Variants in AK9 observed in about 807,000 individuals in gnomAD.
AK9 encodes adenylate kinase domain containing 1.
A neutral mutation model predicts 239.6 loss-of-function variants in AK9; 191 were observed. The ratio of observed to expected loss-of-function variants is 0.80; its 90% confidence interval spans 0.71 to 0.90. The LOEUF is 0.90. Ranked by LOEUF, AK9 falls within the 40% of genes least tolerant of loss-of-function variation. The probability of loss-of-function intolerance (pLI) is 0.00; values close to 1 mark genes in which losing one functional copy is unlikely to be tolerated. For missense variants in AK9, 1,995 were observed against 2,214.7 expected, an observed-to-expected ratio of 0.90 and a Z score of 1.99; for synonymous variants, 689 against 721.0, an observed-to-expected ratio of 0.96 and a Z score of 0.71.
Position 109,641,504 on chromosome 6 carries a change from T to A in AK9, c.933+14A>T. On this transcript the variant is annotated intron_variant, in intron 10 of 40. Transcript: ENST00000424296. ...ATTGAAAATTAGACTTTCAGACAGT[T>A]CCATATAACTTACATTTTCCATTGT... 6.3e-7 allele frequency: 1 copy of A among 1,598,698 alleles called. No individual in the cohort carries two copies. Among genetic ancestry groups the A allele is most frequent in the Non-Finnish European group, 8.6e-7 (1 of 1,166,586 alleles).
chr6:109,605,264 C>T (rs1192182535), intron 17 of AK9, among the ~76,000 whole-genome samples: 2 of 152,058 alleles, frequency 1.3e-5, no homozygotes, highest in Non-Finnish European at 2.9e-5. Flanking sequence ...AGCAAGGCCC[C>T]ATATCCTAAA....
intron 18 of AK9, among the ~76,000 whole-genome samples, 177 bp from the exon 19 acceptor site, chr6:109,585,414 T>C (rs959946902): frequency 2.0e-4 from 31 of 152,266 alleles, no homozygotes; most frequent in Admixed American, 9.2e-4. Flanking sequence ...CTTAAATTCT[T>C]TTAAAAAGGT....
chr6:109,537,155 A>G (rs1295470683), intron 27 of AK9, among the ~76,000 whole-genome samples: 1 of 152,006 alleles, frequency 6.6e-6, no homozygotes, highest in Admixed American at 6.5e-5. Context: ...TTTTCTATTG[A>G]TTGGAATAGT....
rs748156196 is a variant in AK9 at position 109,493,402 on chromosome 6, G to A, written c.5703C>T (p.Leu1901=). The change falls in exon 41 of 41, where the codon CTC becomes CTT. Residue 1901 remains leucine, a synonymous_variant. Transcript: ENST00000424296. The stretch of plus-strand genomic sequence containing the variant: ...TAATTGGGTCTATATTTCTGAGAGA[G>A]AGAAAGGTCTTTAACTTATGATCAA... ...IDFDHKLKTF[L]SLRNIDPING 1 of 1,614,104 alleles carries A rather than the reference G, an allele frequency of 6.2e-7. No individual in the cohort carries two copies. The highest frequency in any genetic ancestry group is 1.1e-5 in the South Asian group (1 of 91,082).
At chr6:109,663,506 T>G (rs947047964) in intron 5 of AK9, among the ~76,000 whole-genome samples, 7 of 152,190 alleles carry the variant, frequency 4.6e-5, no homozygotes, top group Non-Finnish European at 8.8e-5. Flanking sequence ...GTTATAATAT[T>G]CAAGTGAAAA....
intron 1 of AK9, among the ~76,000 whole-genome samples, chr6:109,688,291 T>C (rs745739348): frequency 5.9e-5 from 9 of 152,166 alleles, no homozygotes; most frequent in Non-Finnish European, 1.2e-4. Context: ...CAGTGACAAA[T>C]TGATTACACA....
intron 8 of AK9, among the ~76,000 whole-genome samples, chr6:109,646,963 C>A (rs1798147040): frequency 6.6e-6 from 1 of 152,156 alleles, no homozygotes; most frequent in Non-Finnish European, 1.5e-5. Context: ...TAATTTTCAA[C>A]CCAGAATTTC....
chr6:109,503,898 CACTTTGGGG>C (rs1274634059), intron 35 of AK9, among the ~76,000 whole-genome samples: 1 of 152,218 alleles, frequency 6.6e-6, no homozygotes, highest in African/African-American at 2.4e-5. Flanking sequence ...ACCCTCCCCC[CACTTTGGGG>C]ACATTTTGAA....
chr6:109,627,133 C>CTTTTTTTTTTT (rs71018357), intron 12 of AK9, among the ~76,000 whole-genome samples: 6 of 67,320 alleles, frequency 8.9e-5, no homozygotes, highest in Admixed American at 2.1e-4. Context: ...GATGTTTAAG[C>CTTTTTTTTTTT]TTTTTTTTTT....
intron 1 of AK9, among the ~76,000 whole-genome samples, chr6:109,677,413 C>T (rs183073406): frequency 8.5e-4 from 129 of 152,094 alleles, no homozygotes; most frequent in African/African-American, 2.7e-3. Flanking sequence ...CTAACTATAA[C>T]ATTTTGCTGA....
chr6:109,682,426 C>CAAAAAAAAAAA (rs57215335), intron 1 of AK9, among the ~76,000 whole-genome samples: 13,508 of 65,716 alleles, frequency 0.21, 1,585 homozygotes, highest in Non-Finnish European at 0.29. Context: ...GACTCCGTCT[C>CAAAAAAAAAAA]AAAAAAAAAA....
At chr6:109,540,018 G>T (rs1782639939) in intron 27 of AK9, among the ~76,000 whole-genome samples, 1 of 152,158 alleles carries the variant, frequency 6.6e-6, no homozygotes. Flanking sequence ...CCCCTACTGG[G>T]GGGTGCCTCC....
chr6:109,499,781 G>A (rs565636937), intron 35 of AK9, among the ~76,000 whole-genome samples: 4 of 152,070 alleles, frequency 2.6e-5, no homozygotes, highest in African/African-American at 9.7e-5. Context: ...TGTACTTTTA[G>A]TAGAGACAGG....
rs1554260341 is a variant in AK9, at chr6:109,577,892, C to CTT, written c.2191+1657_2191+1658insAA. 2.5e-4 allele frequency among the ~76,000 whole-genome samples: 20 copies of CTT among 79,598 alleles called. No individual in the cohort carries two copies. In the East Asian group the frequency reaches 0.023, roughly 91 times the overall value. The allele number at this position is 79,598 out of a possible 152,430, so 52.2% of individuals were successfully genotyped here. ...TCTTTTTCTTTCCTTCTTTCCTTCT[C>CTT]TCTCTCTTTCTCTCTTTCTTTCTTT... On this transcript the variant is annotated intron_variant, in intron 20 of 40. Transcript: ENST00000424296.
intron 29 of AK9, 33 bp from the exon 30 acceptor site, chr6:109,516,675 T>C (rs1486160136): frequency 6.7e-7 from 1 of 1,493,630 alleles, no homozygotes; most frequent in Non-Finnish European, 9.1e-7. Flanking sequence ...TTACTATACA[T>C]ATAAAATATG....
intron 29 of AK9, among the ~76,000 whole-genome samples, chr6:109,523,100 T>C (rs1036695678): frequency 6.6e-6 from 1 of 152,198 alleles, no homozygotes; most frequent in Non-Finnish European, 1.5e-5. Context: ...ATTCAAATTA[T>C]ATACAAATAA....
At chr6:109,501,675 A>G (rs1296489620) in intron 35 of AK9, among the ~76,000 whole-genome samples, 1 of 152,248 alleles carries the variant, frequency 6.6e-6, no homozygotes, top group Non-Finnish European at 1.5e-5. Flanking sequence ...ATAAAGTGAC[A>G]GTATTTTCCA....
chr6:109,629,497 G>A (rs1795891546), intron 12 of AK9, among the ~76,000 whole-genome samples: 1 of 151,980 alleles, frequency 6.6e-6, no homozygotes, highest in South Asian at 2.1e-4. Flanking sequence ...ACATGAGGAA[G>A]TTTTTCTAAA....
chr6:109,638,164 A>G (rs958554261), intron 10 of AK9, among the ~76,000 whole-genome samples: 1 of 152,208 alleles, frequency 6.6e-6, no homozygotes, highest in South Asian at 2.1e-4. Flanking sequence ...CATGCATGCA[A>G]TGCTTTCTAA....
Sources: allele counts gnomAD v4.1 joint callset (sites outside exome capture counted in the v4.1 genomes callset), GRCh38; gene constraint gnomAD v4.1.1; transcripts MANE v1.5; gene names NCBI Gene and HGNC (gene_info 2026-07-23, HGNC 2026-07-21).